Variants in PER2 observed in about 807,000 individuals in gnomAD.
PER2 encodes the protein period circadian protein homolog 2.
Under a neutral mutation model 121.0 loss-of-function variants are expected in PER2, and 66 were observed. That is an observed-to-expected ratio of 0.55 (90% confidence interval 0.45 to 0.67). The LOEUF (loss-of-function observed/expected upper bound fraction) is 0.67, where lower values mean the gene tolerates loss of function less well. PER2 is among the 30% of genes least tolerant of loss of function. PER2 has a pLI of 0.00. For missense variants in PER2, 1,521 were observed against 1,635.0 expected, an observed-to-expected ratio of 0.93 and a Z score of 1.20; for synonymous variants, 684 against 659.9, an observed-to-expected ratio of 1.04 and a Z score of -0.56.
At chr2:238,267,470 C>A (rs889517403) in intron 8 of PER2, among the ~76,000 whole-genome samples, 2 of 152,156 alleles carry the variant, frequency 1.3e-5, no homozygotes, top group African/African-American at 2.4e-5. Context: ...GAATGCTGGG[C>A]ATACAGAGGC....
chr2:238,261,775 G>C lies in PER2; in HGVS notation c.1370C>G (p.Pro457Arg), dbSNP rs1389454465. ...CTGCTCTGTGAGCTCCTGAATGCTG[G>C]GGTGCAGGGCCTTCTCCTCTGTGCA... ...HPCTEEKALH[P>R]SIQELTEQIH... The change falls in exon 12 of 23, where the codon CCC becomes CGC. Residue 457 changes from proline to arginine, a missense_variant. By Grantham distance (103) the Pro-to-Arg change is moderately radical (BLOSUM62 -2). Coordinates refer to ENST00000254657, the MANE Select transcript of PER2 (RefSeq NM_022817.3). The C allele has an allele frequency of 6.3e-7, 1 of 1,577,620 alleles. No homozygotes were observed. The highest frequency in any genetic ancestry group is 1.8e-5 in the Admixed American group (1 of 55,344).
chr2:238,258,743 G>C, intron 14 of PER2, 99 bp from the exon 15 acceptor site: 1 of 1,237,284 alleles, frequency 8.1e-7, no homozygotes, highest in South Asian at 1.2e-5. Flanking sequence ...ACAGGGCTGG[G>C]GACTCAGAAT....
intron 1 of PER2, among the ~76,000 whole-genome samples, chr2:238,285,342 G>C (rs567825743): frequency 6.8e-4 from 103 of 152,298 alleles, no homozygotes; most frequent in African/African-American, 2.3e-3. Flanking sequence ...AAAGCAGCTG[G>C]TGGGGGTGGG....
chr2:238,269,064 T>C, intron 6 of PER2, 90 bp from the exon 7 acceptor site: 1 of 1,023,454 alleles, frequency 9.8e-7, no homozygotes, highest in Non-Finnish European at 1.5e-6. Flanking sequence ...AGCAGCAGAA[T>C]CAAGCAAGAT....
intron 1 of PER2, among the ~76,000 whole-genome samples, chr2:238,283,936 A>C (rs1366976609): frequency 6.6e-6 from 1 of 152,166 alleles, no homozygotes; most frequent in African/African-American, 2.4e-5. Flanking sequence ...GGTTAAGGGC[A>C]CAGGTCCTGG....
At chr2:238,249,529 G>A (rs1414197165) in intron 21 of PER2, among the ~76,000 whole-genome samples, 1 of 152,218 alleles carries the variant, frequency 6.6e-6, no homozygotes, top group Non-Finnish European at 1.5e-5. Context: ...CTTGCCAGCA[G>A]GACGGCATTC....
At chr2:238,255,973 A>G in intron 17 of PER2, 62 bp from the exon 18 acceptor site, 3 of 1,583,982 alleles carry the variant, frequency 1.9e-6, no homozygotes, top group Non-Finnish European at 2.6e-6. Context: ...TTAAGGCCAC[A>G]CTATATTCAC....
the PER2 span, among the ~76,000 whole-genome samples, chr2:238,297,252 T>C: frequency 6.6e-6 from 1 of 152,096 alleles, no homozygotes; most frequent in East Asian, 1.9e-4. Flanking sequence ...AAAGGGGCTC[T>C]CGGGAGGAAA....
Position 238,251,582 on chromosome 2 carries a change from C to G in PER2, c.3274+17G>C. The G allele has an allele frequency of 6.2e-7, 1 of 1,613,078 alleles. No individual in the cohort carries two copies. Among genetic ancestry groups the G allele is most frequent in the Non-Finnish European group, 8.5e-7 (1 of 1,179,330 alleles). On this transcript the variant is annotated intron_variant, in intron 20 of 22. Coordinates refer to ENST00000254657, the MANE Select transcript of PER2 (RefSeq NM_022817.3). The stretch of plus-strand genomic sequence containing the variant: ...GGAACCTCCCAAGTGCCTAACACCC[C>G]GCCAGGGCCAACATACCTGCCCCAC...
upstream of PER2, among the ~76,000 whole-genome samples, chr2:238,294,211 G>A (rs992076337): frequency 2.6e-4 from 39 of 152,242 alleles, no homozygotes; most frequent in African/African-American, 8.7e-4. Flanking sequence ...GGCCCCTGCA[G>A]CAGGCTCCCT....
rs1023370000 is a variant in PER2, at chr2:238,258,144, T to G, written c.1900+132A>C. ...AGTTCCTAAGAAGGGTGCTGACTTT[T>G]GAACTACTTTCATCATTTGAAAAAC... On this transcript the variant is annotated intron_variant, in intron 16 of 22. Coordinates refer to ENST00000254657, the MANE Select transcript of PER2 (RefSeq NM_022817.3). 2.9e-6 allele frequency: 3 copies of G among 1,019,456 alleles called. No homozygotes were observed. The African/African-American group carries it at 4.7e-5, about 16-fold the overall frequency. The allele number at this position is 1,019,456 out of a possible 1,614,324, so 63.2% of individuals were successfully genotyped here. A position where few individuals can be genotyped will look rare whatever the true frequency, so the allele number is the denominator to read the frequency against.
chr2:238,262,441 T>A, intron 10 of PER2, 97 bp from the exon 11 acceptor site: 1 of 1,220,416 alleles, frequency 8.2e-7, no homozygotes, highest in East Asian at 2.4e-5. Context: ...CCAGGATCAT[T>A]TGCAAACTGT....
intron 5 of PER2, 71 bp downstream of exon 5, chr2:238,272,999 G>A (rs1696336663): frequency 2.0e-6 from 3 of 1,506,274 alleles, no homozygotes; most frequent in Non-Finnish European, 1.8e-6. Context: ...ACCGGCCGCA[G>A]TGCTGAGCTA....
chr2:238,264,750 G>A (rs1387555715), intron 9 of PER2, among the ~76,000 whole-genome samples: 2 of 152,144 alleles, frequency 1.3e-5, no homozygotes, highest in East Asian at 3.8e-4. Context: ...CAGCCTCTGA[G>A]TAGCTGGGAC....
At chr2:238,280,855 T>C (rs1696607356) in intron 1 of PER2, among the ~76,000 whole-genome samples, 1 of 152,040 alleles carries the variant, frequency 6.6e-6, no homozygotes, top group African/African-American at 2.4e-5. Flanking sequence ...CCTAAGTGCA[T>C]CCAGATGACA....
Position 238,260,094 on chromosome 2 carries a change from G to T in PER2, c.1543-41C>A, listed in dbSNP as rs371554890. ...AATGAACACATTATTCATTCTAGGA[G>T]ACCTCCTTCAGTCTGTCCGGCAAAG... On this transcript the variant is annotated intron_variant, in intron 13 of 22. Coordinates refer to ENST00000254657, the MANE Select transcript of PER2 (RefSeq NM_022817.3). 8 of 866,244 alleles carry T rather than the reference G, an allele frequency of 9.2e-6. No homozygotes were observed. The African/African-American group carries it at 1.4e-4, about 15-fold the overall frequency. The allele number at this position is 866,244 out of a possible 1,614,324, so 53.7% of individuals were successfully genotyped here. A position where few individuals can be genotyped will look rare whatever the true frequency, so the allele number is the denominator to read the frequency against.
In PER2 at chr2:238,268,087, C is replaced by A. The variant is rs1394569437; in HGVS notation, c.936G>T (p.Leu312=). The A allele has an allele frequency of 1.2e-6, 2 of 1,614,132 alleles. No individual in the cohort carries two copies. The highest frequency in any genetic ancestry group is 1.7e-5 in the Admixed American group (1 of 60,024). Residue 312 remains leucine, a synonymous_variant, in exon 8 of 23, where the codon CTG becomes CTT. Transcript: ENST00000254657. The surrounding 1 kb of genome is among the most constrained non-coding windows in gnomAD (Gnocchi z 4.0). ...QGAESQLCCL[L]LAERVHSGYE... ...AACCAGAGTGCACTCTCTCTGCCAGCAGAAGGCAGCAAAGCTGACTCTCAG... is the reference window on the plus strand; with the variant it reads ...AACCAGAGTGCACTCTCTCTGCCAGAAGAAGGCAGCAAAGCTGACTCTCAG...
chr2:238,260,263 T>TTC (rs1241295547), intron 13 of PER2, among the ~76,000 whole-genome samples: 77 of 152,144 alleles, frequency 5.1e-4, no homozygotes, highest in African/African-American at 1.6e-3. Flanking sequence ...CATTACATTT[T>TTC]TTTTTTTTTT....
upstream of PER2, among the ~76,000 whole-genome samples, chr2:238,291,055 G>C (rs1189459935): frequency 1.3e-5 from 2 of 152,242 alleles, no homozygotes; most frequent in African/African-American, 2.4e-5. Flanking sequence ...CTGGCCAGCT[G>C]TCACCTCCAG....
Sources: allele counts gnomAD v4.1 joint callset (sites outside exome capture counted in the v4.1 genomes callset), GRCh38; gene constraint gnomAD v4.1.1; non-coding constraint Gnocchi (gnomAD v3.1); transcripts MANE v1.5; gene names NCBI Gene and HGNC (gene_info 2026-07-23, HGNC 2026-07-21).